KCND2: variants seen among roughly 807,000 people sequenced by gnomAD.
The protein encoded by KCND2 is A-type voltage-gated potassium channel KCND2.
In KCND2, 16 loss-of-function variants were observed where a neutral mutation model predicts 54.4. The observed-to-expected ratio is 0.29, with a 90% CI of 0.20 to 0.45. The LOEUF is 0.45. Among genes scored for constraint, KCND2 ranks in the 20% least tolerant of loss-of-function variants. The probability of loss-of-function intolerance (pLI) is 1.00; values close to 1 mark genes in which losing one functional copy is unlikely to be tolerated. For missense variants in KCND2, 486 were observed against 824.2 expected, an observed-to-expected ratio of 0.59 and a Z score of 5.02; for synonymous variants, 317 against 310.7, an observed-to-expected ratio of 1.02 and a Z score of -0.21.
chr7:120,654,935 A>G (rs1791782881), intron 1 of KCND2, among the ~76,000 whole-genome samples: 1 of 152,114 alleles, frequency 6.6e-6, no homozygotes, highest in Admixed American at 6.5e-5. Flanking sequence ...ATGAAATATA[A>G]TATTCACTTA....
chr7:120,307,203 A>G (rs1032193484), intron 1 of KCND2, among the ~76,000 whole-genome samples: 4 of 151,810 alleles, frequency 2.6e-5, no homozygotes, highest in Non-Finnish European at 4.4e-5. Context: ...GTTTAACTTC[A>G]TTTTTATGTA....
rs565494794 is a variant in KCND2, at chr7:120,638,632, A to G, written c.1116-94271A>G. ...TATGTGTGATTTTCAATTTGATGAC[A>G]AATGATTACCTCCCTAAGATTTTGA... On this transcript the variant is annotated intron_variant, in intron 1 of 5. Coordinates refer to ENST00000331113, the MANE Select transcript of KCND2 (RefSeq NM_012281.3). Among the ~76,000 whole-genome samples, 148 of 152,244 alleles carry G rather than the reference A, an allele frequency of 9.7e-4. 1 individual carries two copies. Among genetic ancestry groups the G allele is most frequent in the African/African-American group, 3.4e-3 (143 of 41,572 alleles).
chr7:120,433,782 C>T (rs530292007), intron 1 of KCND2, among the ~76,000 whole-genome samples: 2 of 152,274 alleles, frequency 1.3e-5, no homozygotes, highest in African/African-American at 4.8e-5. Context: ...TATAGTCTAA[C>T]AGCAAGTTTA....
chr7:120,701,240 T>TAAAAAAAAAAAAAAAAAA (rs34803439), intron 1 of KCND2, among the ~76,000 whole-genome samples: 5 of 55,142 alleles, frequency 9.1e-5, no homozygotes, highest in Admixed American at 2.5e-4. Context: ...AATGCCTAGC[T>TAAAAAAAAAAAAAAAAAA]AAAAAAAAAA....
intron 1 of KCND2, among the ~76,000 whole-genome samples, chr7:120,678,343 T>TTATA (rs3067141): frequency 0.049 from 5,840 of 120,106 alleles, 339 homozygotes; most frequent in African/African-American, 0.14. Flanking sequence ...GTATGATTAT[T>TTATA]TATATATATA....
At chr7:120,568,138 A>G (rs1227013146) in intron 1 of KCND2, among the ~76,000 whole-genome samples, 3 of 152,134 alleles carry the variant, frequency 2.0e-5, no homozygotes, top group African/African-American at 7.2e-5. Flanking sequence ...ACTACATTTA[A>G]TGACTGTGAG....
chr7:120,318,580 G>T (rs1484866033), intron 1 of KCND2, among the ~76,000 whole-genome samples: 2 of 152,040 alleles, frequency 1.3e-5, no homozygotes, highest in Non-Finnish European at 1.5e-5. Context: ...ATTTGGCCTG[G>T]AAAATTCCTT....
In KCND2 at chr7:120,448,777, A is replaced by G. The variant is rs1372727813; in HGVS notation, c.1115+173030A>G. ...ATGCAAGGCTGGTTCAACATACTCA[A>G]ATCAATAAATGTAATCCATCATATA... is the stretch of plus-strand genomic sequence containing the variant. On this transcript the variant is annotated intron_variant, in intron 1 of 5. Coordinates refer to ENST00000331113, the MANE Select transcript of KCND2 (RefSeq NM_012281.3). 5.3e-5 allele frequency among the ~76,000 whole-genome samples: 8 copies of G among 152,320 alleles called. No homozygotes were observed. The East Asian group carries it at 1.5e-3, about 29-fold the overall frequency.
intron 1 of KCND2, among the ~76,000 whole-genome samples, chr7:120,491,739 T>C (rs1053802681): frequency 6.6e-6 from 1 of 151,928 alleles, no homozygotes; most frequent in African/African-American, 2.4e-5. Context: ...CAATCTTAAT[T>C]CACATTTCCT....
intron 1 of KCND2, among the ~76,000 whole-genome samples, chr7:120,513,918 A>G (rs946955735): frequency 5.3e-5 from 8 of 152,040 alleles, no homozygotes; most frequent in African/African-American, 1.9e-4. Context: ...CCATGCCACT[A>G]CTCTAGCAAA....
At chr7:120,591,584 C>T (rs1792672205) in intron 1 of KCND2, among the ~76,000 whole-genome samples, 1 of 152,052 alleles carries the variant, frequency 6.6e-6, no homozygotes, top group Admixed American at 6.5e-5. Context: ...ATGTACTCAA[C>T]TACCTTGCTT....
intron 1 of KCND2, among the ~76,000 whole-genome samples, chr7:120,417,252 C>T (rs1280709062): frequency 6.6e-6 from 1 of 152,178 alleles, no homozygotes; most frequent in Non-Finnish European, 1.5e-5. Flanking sequence ...TATGTTATCA[C>T]AGAAAATATT....
chr7:120,551,898 T>TA (rs1237311306), intron 1 of KCND2, among the ~76,000 whole-genome samples: 1 of 152,164 alleles, frequency 6.6e-6, no homozygotes, highest in Non-Finnish European at 1.5e-5. Flanking sequence ...CCTCTGGAGT[T>TA]ATAGCACTTT....
intron 1 of KCND2, among the ~76,000 whole-genome samples, chr7:120,705,642 C>T (rs1792458342): frequency 6.6e-6 from 1 of 152,104 alleles, no homozygotes; most frequent in African/African-American, 2.4e-5. Context: ...CAATAAAATG[C>T]AAATTTATCA....
intron 1 of KCND2, among the ~76,000 whole-genome samples, chr7:120,382,527 A>G (rs958594049): frequency 4.0e-5 from 6 of 151,824 alleles, no homozygotes; most frequent in African/African-American, 1.4e-4. Context: ...TGTTGATAAA[A>G]TTTTACTTTA....
intron 1 of KCND2, among the ~76,000 whole-genome samples, chr7:120,595,527 A>G (rs1052432902): frequency 2.8e-5 from 4 of 143,952 alleles, no homozygotes; most frequent in South Asian, 2.2e-4. Flanking sequence ...ATGTATATAT[A>G]TGTGTATATA....
intron 1 of KCND2, among the ~76,000 whole-genome samples, chr7:120,716,809 A>G (rs749936724): frequency 6.6e-6 from 1 of 152,078 alleles, no homozygotes; most frequent in African/African-American, 2.4e-5. Context: ...GTATGAATTC[A>G]AAGTCTTAAT....
chr7:120,536,503 C>G (rs1244016297), intron 1 of KCND2, among the ~76,000 whole-genome samples: 1 of 152,162 alleles, frequency 6.6e-6, no homozygotes, highest in Non-Finnish European at 1.5e-5. Context: ...AAGAGTAGAA[C>G]TTCTTTTACA....
At chr7:120,687,776 CTA>C (rs1000972464) in intron 1 of KCND2, among the ~76,000 whole-genome samples, 3 of 152,220 alleles carry the variant, frequency 2.0e-5, no homozygotes, top group Admixed American at 2.0e-4. Context: ...AACTAATAAA[CTA>C]AAAGTGTTTA....
Sources: allele counts gnomAD v4.1 joint callset (sites outside exome capture counted in the v4.1 genomes callset), GRCh38; gene constraint gnomAD v4.1.1; transcripts MANE v1.5; gene names NCBI Gene and HGNC (gene_info 2026-07-23, HGNC 2026-07-21).